F13A1: variants seen among roughly 807,000 people sequenced by gnomAD.
F13A1 encodes coagulation factor XIII A chain.
In F13A1, 47 loss-of-function variants were observed where a neutral mutation model predicts 80.1. The ratio of observed to expected loss-of-function variants is 0.59; its 90% CI spans 0.46 to 0.75. The LOEUF is 0.75. Ranked by LOEUF, F13A1 falls within the 30% of genes least tolerant of loss-of-function variation. F13A1 has a pLI of 0.00. For missense variants in F13A1, 817 were observed against 930.4 expected (o/e 0.88, Z 1.59); for synonymous variants, 349 against 344.9 (o/e 1.01, Z -0.13).
intron 3 of F13A1, among the ~76,000 whole-genome samples, chr6:6,281,716 G>T (rs886902487): frequency 6.6e-6 from 1 of 152,040 alleles, no homozygotes; most frequent in Non-Finnish European, 1.5e-5. Flanking sequence ...GAGGACGGCC[G>T]GGCTTGGTGG....
chr6:6,224,365 T>A (rs886133412), intron 7 of F13A1, among the ~76,000 whole-genome samples: 3 of 148,016 alleles, frequency 2.0e-5, no homozygotes, highest in Non-Finnish European at 3.1e-5. Context: ...TTAGTTTTTT[T>A]AAAATGTGGT....
intron 6 of F13A1, among the ~76,000 whole-genome samples, chr6:6,239,625 C>T (rs1757459513): frequency 6.6e-6 from 1 of 151,844 alleles, no homozygotes. Flanking sequence ...AATTATTAAC[C>T]TTGTCTCTCT....
At chr6:6,192,726 G>T (rs376810097) in intron 10 of F13A1, among the ~76,000 whole-genome samples, 1 of 152,176 alleles carries the variant, frequency 6.6e-6, no homozygotes, top group African/African-American at 2.4e-5. Flanking sequence ...TGATGAGATG[G>T]TTGCTGTGGT....
intron 6 of F13A1, among the ~76,000 whole-genome samples, chr6:6,241,001 C>T (rs1185345257): frequency 6.6e-6 from 1 of 152,146 alleles, no homozygotes; most frequent in Non-Finnish European, 1.5e-5. Flanking sequence ...TCAGTGGATT[C>T]TCCCAAAGTT....
chr6:6,209,187 A>G (rs1761551537), intron 8 of F13A1, among the ~76,000 whole-genome samples: 1 of 152,100 alleles, frequency 6.6e-6, no homozygotes, highest in Admixed American at 6.6e-5. Context: ...ATGAATAACC[A>G]TTTTGCCAAA....
chr6:6,317,018 G>A (rs1308277844), intron 2 of F13A1, among the ~76,000 whole-genome samples: 1 of 152,122 alleles, frequency 6.6e-6, no homozygotes, highest in Non-Finnish European at 1.5e-5. Context: ...TCGTGGCAAG[G>A]ACGGTTGTGT....
At chr6:6,165,979 G>A (rs544384573) in intron 13 of F13A1, among the ~76,000 whole-genome samples, 5 of 152,264 alleles carry the variant, frequency 3.3e-5, no homozygotes, top group Non-Finnish European at 4.4e-5. Flanking sequence ...GCTCCCTGAT[G>A]GGCATTACAT....
At position 6,290,810 on chromosome 6, in the gene F13A1, T is replaced by G. The variant is rs536164490; in HGVS notation, c.319+14541A>C. On this transcript the variant is annotated intron_variant, in intron 3 of 14. Transcript: ENST00000264870. ...CTGAAATGACATTCTATATAAATGT[T>G]GCTTCAAAATGATGAAATAGGCTGT... Among the ~76,000 whole-genome samples the G allele has an allele frequency of 6.6e-5, 10 of 152,350 alleles. No homozygotes were observed. The East Asian group carries it at 1.9e-3, about 29-fold the overall frequency.
intron 8 of F13A1, among the ~76,000 whole-genome samples, chr6:6,216,932 C>A (rs990515499): frequency 8.6e-5 from 13 of 150,976 alleles, no homozygotes; most frequent in Admixed American, 8.6e-4. Flanking sequence ...AAAAAATGCT[C>A]ACCATCACTG....
intron 3 of F13A1, among the ~76,000 whole-genome samples, chr6:6,299,811 G>A (rs1262635730): frequency 6.7e-6 from 1 of 148,636 alleles, no homozygotes; most frequent in Non-Finnish European, 1.5e-5. Context: ...TTTCTTTGGA[G>A]GAGGAGAGGC....
intron 4 of F13A1, among the ~76,000 whole-genome samples, chr6:6,256,694 A>C (rs9504736): frequency 0.018 from 2,728 of 152,246 alleles, 54 homozygotes; most frequent in African/African-American, 0.051. Flanking sequence ...CGACCCAGAG[A>C]AGGTAAGGAT....
At chr6:6,309,735 G>A (rs1758564680) in intron 2 of F13A1, among the ~76,000 whole-genome samples, 1 of 152,132 alleles carries the variant, frequency 6.6e-6, no homozygotes, top group African/African-American at 2.4e-5. Context: ...AAAAGGGATT[G>A]GAAGGGGCAA....
intron 2 of F13A1, among the ~76,000 whole-genome samples, chr6:6,316,542 A>AT (rs1758689013): frequency 6.6e-6 from 1 of 152,066 alleles, no homozygotes; most frequent in South Asian, 2.1e-4. Flanking sequence ...CCCAGATTTT[A>AT]TTTTTCTTAA....
intron 4 of F13A1, among the ~76,000 whole-genome samples, chr6:6,258,300 C>G (rs567514557): frequency 2.0e-4 from 31 of 152,232 alleles, no homozygotes; most frequent in African/African-American, 7.2e-4. Flanking sequence ...GTCTCCTTGC[C>G]TCTCAGAATG....
chr6:6,173,365 C>T (rs1221970809), intron 12 of F13A1, among the ~76,000 whole-genome samples: 3 of 151,782 alleles, frequency 2.0e-5, no homozygotes, highest in Non-Finnish European at 1.5e-5. Context: ...TCTTCCTAGG[C>T]CCCTCCTAGA....
At chr6:6,286,309 C>T (rs1231704673) in intron 3 of F13A1, among the ~76,000 whole-genome samples, 1 of 152,162 alleles carries the variant, frequency 6.6e-6, no homozygotes, top group Non-Finnish European at 1.5e-5. Flanking sequence ...TCACTTGAAC[C>T]TGGGAAGTGG....
intron 6 of F13A1, among the ~76,000 whole-genome samples, chr6:6,230,291 G>A (rs1229910618): frequency 6.6e-6 from 1 of 152,080 alleles, no homozygotes; most frequent in African/African-American, 2.4e-5. Context: ...GGTTTGCATG[G>A]CAGCTGGGTG....
At chr6:6,312,794 G>C (rs1758624729) in intron 2 of F13A1, among the ~76,000 whole-genome samples, 1 of 152,092 alleles carries the variant, frequency 6.6e-6, no homozygotes, top group Non-Finnish European at 1.5e-5. Context: ...CAGAGAGGTT[G>C]AGAGTTTAAA....
At chr6:6,164,967 G>A (rs1364512059) in intron 13 of F13A1, among the ~76,000 whole-genome samples, 1 of 152,162 alleles carries the variant, frequency 6.6e-6, no homozygotes, top group African/African-American at 2.4e-5. Context: ...TGACTCCTGG[G>A]TGGTCCTTAG....
Sources: allele counts gnomAD v4.1 joint callset (sites outside exome capture counted in the v4.1 genomes callset), GRCh38; gene constraint gnomAD v4.1.1; transcripts MANE v1.5; gene names NCBI Gene and HGNC (gene_info 2026-07-23, HGNC 2026-07-21).